Variants in NRXN1 observed in about 807,000 individuals in gnomAD.
NRXN1 encodes neurexin-1.
Under a neutral mutation model 150.9 loss-of-function variants are expected in NRXN1, and 39 were observed. That is an observed-to-expected ratio of 0.26 (90% CI 0.20 to 0.34). The LOEUF is 0.34. Ranked by LOEUF, NRXN1 falls within the 10% of genes least tolerant of loss-of-function variation. NRXN1 has a pLI of 1.00. For synonymous variants in NRXN1, 924 were observed against 757.0 expected, an observed-to-expected ratio of 1.22 and a Z score of -3.62; for missense variants, 1,815 against 1,949.9, an observed-to-expected ratio of 0.93 and a Z score of 1.30.
chr2:50,129,727 C>A (rs944231505), intron 18 of NRXN1, among the ~76,000 whole-genome samples: 3 of 151,994 alleles, frequency 2.0e-5, no homozygotes, highest in Non-Finnish European at 4.4e-5. Flanking sequence ...GAAAGGAGGG[C>A]CTATTTAGAG....
chr2:50,927,530 T>C (rs1687085760), intron 2 of NRXN1, among the ~76,000 whole-genome samples: 1 of 152,188 alleles, frequency 6.6e-6, no homozygotes, highest in African/African-American at 2.4e-5. Flanking sequence ...CTGAATTTGT[T>C]ACTTTTCAGT....
At chr2:50,454,703 C>G (rs1048112301) in intron 17 of NRXN1, among the ~76,000 whole-genome samples, 20 of 148,970 alleles carry the variant, frequency 1.3e-4, no homozygotes, top group African/African-American at 3.0e-4. Flanking sequence ...CACACACACA[C>G]AGTTAATTAA....
intron 18 of NRXN1, among the ~76,000 whole-genome samples, chr2:50,220,445 CT>C (rs1390368310): frequency 1.3e-5 from 2 of 151,862 alleles, no homozygotes; most frequent in African/African-American, 4.8e-5. Context: ...AATACAAATG[CT>C]TTTTCTGGCC....
chr2:50,440,400 C>T (rs6758763), intron 17 of NRXN1, among the ~76,000 whole-genome samples: 35,576 of 151,482 alleles, frequency 0.23, 6,284 homozygotes, highest in East Asian at 0.56. Context: ...TGACTATAGT[C>T]TTTATTATTA....
intron 5 of NRXN1, among the ~76,000 whole-genome samples, chr2:50,716,488 G>T (rs1052418825): frequency 6.6e-6 from 1 of 151,982 alleles, no homozygotes; most frequent in Non-Finnish European, 1.5e-5. Flanking sequence ...GCTGAAAAAA[G>T]ATAATTACAG....
intron 5 of NRXN1, among the ~76,000 whole-genome samples, chr2:50,810,237 C>T (rs1170147792): frequency 1.3e-5 from 2 of 152,170 alleles, no homozygotes; most frequent in Non-Finnish European, 2.9e-5. Flanking sequence ...TTGATTGTTA[C>T]TCTCAGCCAC....
chr2:51,001,215 A>G (rs1700008782), intron 2 of NRXN1, among the ~76,000 whole-genome samples: 1 of 85,736 alleles, frequency 1.2e-5, no homozygotes. Context: ...ACATACGTAC[A>G]ATGGTAGATT....
At chr2:50,722,297 C>A (rs1696767712) in intron 5 of NRXN1, among the ~76,000 whole-genome samples, 1 of 152,080 alleles carries the variant, frequency 6.6e-6, no homozygotes, top group Admixed American at 6.6e-5. Flanking sequence ...TACAATTCCC[C>A]ATAATACAAT....
chr2:49,967,910 C>T (rs17439140), intron 21 of NRXN1, among the ~76,000 whole-genome samples: 44,731 of 151,742 alleles, frequency 0.29, 7,355 homozygotes, highest in South Asian at 0.43. Flanking sequence ...TGTTTTATAC[C>T]TAGGTATCAT....
At chr2:49,939,828 T>A (rs1671668277) in intron 22 of NRXN1, among the ~76,000 whole-genome samples, 1 of 152,218 alleles carries the variant, frequency 6.6e-6, no homozygotes, top group Non-Finnish European at 1.5e-5. Context: ...TTTCTATTTT[T>A]GCTCCCAGAG....
intron 18 of NRXN1, among the ~76,000 whole-genome samples, chr2:50,108,757 A>C (rs552989820): frequency 6.6e-6 from 1 of 152,144 alleles, no homozygotes; most frequent in Non-Finnish European, 1.5e-5. Flanking sequence ...AAGCGTTCCC[A>C]ATGAAGTAAA....
intron 17 of NRXN1, among the ~76,000 whole-genome samples, chr2:50,359,438 G>A (rs2079037687): frequency 6.6e-6 from 1 of 151,518 alleles, no homozygotes; most frequent in Non-Finnish European, 1.5e-5. Flanking sequence ...CTGAAACACA[G>A]AGCACGAGAA....
At chr2:50,973,195 A>T (rs1308941268) in intron 2 of NRXN1, among the ~76,000 whole-genome samples, 1 of 152,140 alleles carries the variant, frequency 6.6e-6, no homozygotes, top group Non-Finnish European at 1.5e-5. Flanking sequence ...CTGACTTGAA[A>T]CTTTAAAGTG....
intron 5 of NRXN1, among the ~76,000 whole-genome samples, chr2:50,811,529 T>C (rs879880019): frequency 2.0e-5 from 3 of 152,176 alleles, no homozygotes; most frequent in Admixed American, 6.5e-5. Context: ...TTCCTACTTA[T>C]GAAAATAGTG....
intron 5 of NRXN1, among the ~76,000 whole-genome samples, chr2:50,793,755 G>C (rs1706398677): frequency 6.6e-6 from 1 of 152,026 alleles, no homozygotes; most frequent in Non-Finnish European, 1.5e-5. Flanking sequence ...CCTTGGTCTT[G>C]TGGACAAAAT....
intron 13 of NRXN1, among the ~76,000 whole-genome samples, 172 bp from the exon 14 acceptor site, chr2:50,497,886 T>C (rs1417326461): frequency 3.3e-5 from 5 of 152,160 alleles, no homozygotes; most frequent in African/African-American, 1.2e-4. Context: ...CTAGATTATA[T>C]AATAAAACAT....
chr2:50,355,500 C>T (rs114373387), intron 17 of NRXN1, among the ~76,000 whole-genome samples: 1 of 152,032 alleles, frequency 6.6e-6, no homozygotes, highest in Non-Finnish European at 1.5e-5. Context: ...CCCACAAACA[C>T]CCCAGGCTCC....
intron 17 of NRXN1, among the ~76,000 whole-genome samples, chr2:50,414,093 G>T (rs2083374525): frequency 6.6e-6 from 1 of 151,784 alleles, no homozygotes; most frequent in Admixed American, 6.6e-5. Context: ...TGATTAATGG[G>T]TACTAAAAAT....
chr2:50,452,749 T>C (rs1245302822), intron 17 of NRXN1, among the ~76,000 whole-genome samples: 3 of 152,210 alleles, frequency 2.0e-5, no homozygotes, highest in Non-Finnish European at 4.4e-5. Context: ...GTTCTGTTGA[T>C]TCAAGTTTTT....
Sources: allele counts gnomAD v4.1 joint callset (sites outside exome capture counted in the v4.1 genomes callset), GRCh38; gene constraint gnomAD v4.1.1; transcripts MANE v1.5; gene names NCBI Gene and HGNC (gene_info 2026-07-23, HGNC 2026-07-21).